XRN1: variants seen among roughly 807,000 people sequenced by gnomAD.
The protein encoded by XRN1 is strand-exchange protein 1 homolog.
In XRN1, 67 loss-of-function variants were observed where a neutral mutation model predicts 222.3. The observed-to-expected ratio is 0.30, with a 90% confidence interval of 0.25 to 0.37. The LOEUF (loss-of-function observed/expected upper bound fraction) is 0.37, where lower values mean the gene tolerates loss of function less well. XRN1 is among the 10% of genes least tolerant of loss of function. The probability of loss-of-function intolerance (pLI) is 1.00; values close to 1 mark genes in which losing one functional copy is unlikely to be tolerated. For synonymous variants in XRN1, 643 were observed against 652.4 expected, an observed-to-expected ratio of 0.99 and a Z score of 0.22; for missense variants, 1,707 against 2,000.2, an observed-to-expected ratio of 0.85 and a Z score of 2.80.
intron 39 of XRN1, 150 bp from the exon 40 acceptor site, chr3:142,312,908 T>G: frequency 2.1e-6 from 2 of 931,790 alleles, no homozygotes; most frequent in South Asian, 1.8e-5. Context: ...TACTCTTCCT[T>G]ACAACATTCA....
intron 20 of XRN1, among the ~76,000 whole-genome samples, chr3:142,385,208 T>C (rs929228750): frequency 1.3e-5 from 2 of 151,906 alleles, no homozygotes; most frequent in Non-Finnish European, 2.9e-5. Context: ...AGCCAAAAGG[T>C]AGAAACAATC....
chr3:142,334,486 A>G (rs2065792302), intron 34 of XRN1, among the ~76,000 whole-genome samples: 1 of 151,990 alleles, frequency 6.6e-6, no homozygotes, highest in Non-Finnish European at 1.5e-5. Context: ...TTCATTATAA[A>G]ATGCATCCAT....
At chr3:142,337,858 T>C (rs2065891865) in intron 33 of XRN1, among the ~76,000 whole-genome samples, 2 of 152,076 alleles carry the variant, frequency 1.3e-5, no homozygotes, top group African/African-American at 4.8e-5. Context: ...CTCCATAAAA[T>C]CAACAAGAGA....
At chr3:142,429,417 G>A (rs140988084) in intron 2 of XRN1, among the ~76,000 whole-genome samples, 1 of 152,200 alleles carries the variant, frequency 6.6e-6, no homozygotes, top group African/African-American at 2.4e-5. Flanking sequence ...CAAAGTGCTG[G>A]GATTACAGGT....
intron 36 of XRN1, 77 bp from the exon 37 acceptor site, chr3:142,329,692 T>C (rs2065636525): frequency 4.3e-6 from 6 of 1,394,866 alleles, no homozygotes; most frequent in Admixed American, 3.0e-5. Context: ...TAGGGTTTTA[T>C]AGAAGAGCAA....
At chr3:142,407,022 A>G (rs892825216) in intron 15 of XRN1, among the ~76,000 whole-genome samples, 1 of 152,216 alleles carries the variant, frequency 6.6e-6, no homozygotes, top group Non-Finnish European at 1.5e-5. Context: ...CCTTGAAAAC[A>G]GTGAGAACGC....
chr3:142,324,272 C>A (rs879704120), intron 37 of XRN1, among the ~76,000 whole-genome samples: 4 of 124,414 alleles, frequency 3.2e-5, no homozygotes, highest in Admixed American at 9.0e-5. Context: ...CAGTCCCCAG[C>A]GTGTGATGTT....
intron 39 of XRN1, among the ~76,000 whole-genome samples, chr3:142,317,615 A>C (rs1222066995): frequency 2.0e-5 from 3 of 152,036 alleles, no homozygotes; most frequent in Non-Finnish European, 4.4e-5. Flanking sequence ...ACACACCTCC[A>C]GTTTTTTGCT....
rs2067971540 is a variant in XRN1 at position 142,397,414 on chromosome 3, T to C, written c.2254A>G (p.Arg752Gly). The C allele has an allele frequency of 2.5e-6, 4 of 1,609,094 alleles. No homozygotes were observed. Among genetic ancestry groups the C allele is most frequent in the Non-Finnish European group, 3.4e-6 (4 of 1,177,204 alleles). The change falls in exon 20 of 41, where the codon AGA (arginine) becomes GGA (glycine). Residue 752 changes from arginine to glycine, a missense_variant. Arg to Gly is a moderately radical substitution (Grantham distance 125, BLOSUM62 -2). Transcript: ENST00000392981. ...ACCACTTTAGATGGTGGGGCAGTTC[T>C]TCCTGAATAAAGCTTCTGTGTTCCT... ...PPGTQKLYSG[R>G]TAPPSKVVHL...
At chr3:142,405,166 A>C in intron 15 of XRN1, 90 bp from the exon 16 acceptor site, 1 of 1,307,300 alleles carries the variant, frequency 7.6e-7, no homozygotes, top group Non-Finnish European at 1.1e-6. Flanking sequence ...CATATACAGA[A>C]TAACCATTTG....
intron 39 of XRN1, 70 bp from the exon 40 acceptor site, chr3:142,312,828 C>T: frequency 2.0e-6 from 3 of 1,487,218 alleles, no homozygotes; most frequent in Non-Finnish European, 2.7e-6. Context: ...TTTGAGACCT[C>T]CTTCTGCTAG....
At chr3:142,361,963 C>CTTTTTTTTTTTTTTTTTTTTTTTTT (rs71153961) in intron 29 of XRN1, among the ~76,000 whole-genome samples, 19 of 51,682 alleles carry the variant, frequency 3.7e-4, no homozygotes, top group East Asian at 6.6e-4. Context: ...CTTTTTCTCT[C>CTTTTTTTTTTTTTTTTTTTTTTTTT]TTTTTTTTTT....
At chr3:142,325,869 C>G (rs1160857375) in intron 37 of XRN1, among the ~76,000 whole-genome samples, 1 of 152,164 alleles carries the variant, frequency 6.6e-6, no homozygotes, top group Non-Finnish European at 1.5e-5. Context: ...CACTTAGTTT[C>G]ATTCCCTTAA....
At chr3:142,371,123 CTG>C in intron 26 of XRN1, 114 bp downstream of exon 26, 1 of 832,590 alleles carries the variant, frequency 1.2e-6, no homozygotes, top group Non-Finnish European at 1.9e-6. Flanking sequence ...GAGTAAGAAC[CTG>C]TCTCAAAAAA....
intron 1 of XRN1, among the ~76,000 whole-genome samples, chr3:142,433,938 A>G (rs1417701787): frequency 6.6e-6 from 1 of 152,226 alleles, no homozygotes; most frequent in African/African-American, 2.4e-5. Flanking sequence ...CCATCAAAAC[A>G]TATTTTTATG....
intron 2 of XRN1, among the ~76,000 whole-genome samples, chr3:142,430,549 TA>T (rs2069478492): frequency 1.3e-5 from 2 of 152,206 alleles, no homozygotes; most frequent in Non-Finnish European, 2.9e-5. Context: ...ACAGTCTTTC[TA>T]AAAATTTCAG....
chr3:142,430,618 G>A (rs892015954), intron 2 of XRN1, among the ~76,000 whole-genome samples: 7 of 151,926 alleles, frequency 4.6e-5, no homozygotes, highest in African/African-American at 1.5e-4. Flanking sequence ...TCCTCTCACC[G>A]GCAGCCTTCT....
At chr3:142,371,212 G>T (rs757549892) in intron 26 of XRN1, 27 bp downstream of exon 26, 1 of 1,555,398 alleles carries the variant, frequency 6.4e-7, no homozygotes. Flanking sequence ...GAACTATGAG[G>T]TAATAAATAT....
chr3:142,356,794 CA>C, intron 31 of XRN1, 117 bp downstream of exon 31: 2 of 1,149,826 alleles, frequency 1.7e-6, no homozygotes, highest in Non-Finnish European at 2.4e-6. Flanking sequence ...TGACCTGAGC[CA>C]AAACTTTTTA....
Sources: gnomAD v4.1 joint callset for allele counts (sites outside exome capture counted in the v4.1 genomes callset) on GRCh38, gnomAD v4.1.1 for gene constraint, MANE v1.5 for transcripts, NCBI Gene and HGNC (gene_info 2026-07-23, HGNC 2026-07-21) for gene names.